TRAPPC10: variants seen among roughly 807,000 people sequenced by gnomAD.
The protein encoded by TRAPPC10 is trafficking protein particle complex subunit 10.
Under a neutral mutation model 125.5 loss-of-function variants are expected in TRAPPC10, and 23 were observed. That is an observed-to-expected ratio of 0.18 (90% CI 0.13 to 0.26). The LOEUF (loss-of-function observed/expected upper bound fraction) is 0.26. Among genes scored for constraint, TRAPPC10 ranks in the 10% least tolerant of loss-of-function variants. The pLI is 1.00. For synonymous variants in TRAPPC10, 509 were observed against 518.0 expected (o/e 0.98, Z 0.24); for missense variants, 1,123 against 1,308.4 (o/e 0.86, Z 2.19).
intron 3 of TRAPPC10, among the ~76,000 whole-genome samples, chr21:44,045,246 C>T (rs571654692): frequency 7.9e-5 from 12 of 152,092 alleles, no homozygotes; most frequent in Admixed American, 7.2e-4. Flanking sequence ...GTTGCTGTCT[C>T]TTCCTTTGTG....
intron 15 of TRAPPC10, among the ~76,000 whole-genome samples, chr21:44,084,627 C>T (rs2038001487): frequency 6.6e-6 from 1 of 152,166 alleles, no homozygotes; most frequent in Admixed American, 6.5e-5. Flanking sequence ...TTCCCCCTGC[C>T]AGCAAGCAAG....
chr21:44,041,278 A>C (rs2034396525), intron 3 of TRAPPC10, among the ~76,000 whole-genome samples: 1 of 152,166 alleles, frequency 6.6e-6, no homozygotes, highest in African/African-American at 2.4e-5. Flanking sequence ...GTCTGTTTTC[A>C]GCCATTTGCT....
intron 1 of TRAPPC10, among the ~76,000 whole-genome samples, chr21:44,021,991 C>G (rs1241422164): frequency 6.6e-6 from 1 of 151,728 alleles, no homozygotes; most frequent in Non-Finnish European, 1.5e-5. Context: ...AAACAAAAAA[C>G]TGTTTTCTAA....
chr21:44,077,693 G>C lies in TRAPPC10; in HGVS notation c.1378G>C (p.Asp460His). The change falls in exon 11 of 23, where the codon GAT (aspartate) becomes CAT (histidine). Residue 460 changes from aspartate (D) to histidine (H), a missense_variant and splice_region_variant. Transcript: ENST00000291574. Reference sequence around the variant, plus strand: ...TAATTGTGTTTTTACTTCCCCACAGGATTTGTCCCATGCCACCATTGAAAT... The same window carrying C: ...TAATTGTGTTTTTACTTCCCCACAGCATTTGTCCCATGCCACCATTGAAAT... Reference protein sequence around the residue: ...SVEAFEKHYLDLSHATIEMYT... With the variant: ...SVEAFEKHYLHLSHATIEMYT... The C allele has an allele frequency of 6.3e-7, 1 of 1,599,606 alleles. No individual in the cohort carries two copies. Among genetic ancestry groups the C allele is most frequent in the Non-Finnish European group, 8.5e-7 (1 of 1,171,160 alleles).
intron 3 of TRAPPC10, among the ~76,000 whole-genome samples, chr21:44,043,902 C>T (rs2034589332): frequency 1.3e-5 from 2 of 152,124 alleles, no homozygotes; most frequent in African/African-American, 4.8e-5. Flanking sequence ...CAGCTGAGTC[C>T]CACTGTGTGT....
intron 3 of TRAPPC10, among the ~76,000 whole-genome samples, chr21:44,038,869 G>A (rs978023189): frequency 6.6e-6 from 1 of 152,128 alleles, no homozygotes; most frequent in African/African-American, 2.4e-5. Context: ...CCTTTCCCAC[G>A]GGCTCCACAC....
intron 1 of TRAPPC10, among the ~76,000 whole-genome samples, chr21:44,027,012 G>C (rs1436753635): frequency 6.6e-6 from 1 of 152,222 alleles, no homozygotes; most frequent in African/African-American, 2.4e-5. Context: ...GCCGAGGACA[G>C]TGTCTTGTTA....
chr21:44,045,154 C>T (rs1383986032), intron 3 of TRAPPC10, among the ~76,000 whole-genome samples: 13 of 152,028 alleles, frequency 8.6e-5, no homozygotes, highest in Admixed American at 8.5e-4. Flanking sequence ...AGGCTGGTCT[C>T]GAACTCCTGA....
At chr21:44,071,508 CTAAAG>C (rs1168813853) in intron 7 of TRAPPC10, among the ~76,000 whole-genome samples, 3 of 152,158 alleles carry the variant, frequency 2.0e-5, no homozygotes, top group Non-Finnish European at 4.4e-5. Context: ...TTCAGGCCCT[CTAAAG>C]TATAGAGAAG....
At chr21:44,086,569 T>G (rs761234647) in intron 15 of TRAPPC10, among the ~76,000 whole-genome samples, 1 of 152,218 alleles carries the variant, frequency 6.6e-6, no homozygotes, top group Admixed American at 6.5e-5. Context: ...TAAGACTCCT[T>G]GACTCACAGG....
chr21:44,044,355 AAGG>A (rs1364458400), intron 3 of TRAPPC10, among the ~76,000 whole-genome samples: 1 of 152,186 alleles, frequency 6.6e-6, no homozygotes, highest in Non-Finnish European at 1.5e-5. Flanking sequence ...TATTTAAAAA[AAGG>A]AGTAAGTTGA....
rs559988588 is a variant in TRAPPC10, at chr21:44,059,598, G to A, written c.790+384G>A. ...TTGGAATGCTCGAGTGCTCATTGCT[G>A]TGAACTTATAAAATGCCCTTGGGTG... On this transcript the variant is annotated intron_variant, in intron 6 of 22. Transcript: ENST00000291574. The surrounding 1 kb of genome is among the most constrained non-coding windows in gnomAD (Gnocchi z 4.4). 6.2e-5 allele frequency: 41 copies of A among 666,628 alleles called. No individual in the cohort carries two copies. In the Middle Eastern group the frequency reaches 7.3e-4, roughly 12 times the overall value. 41.3% of individuals were successfully genotyped at this position (666,628 alleles called of 1,614,324 possible). A position where few individuals can be genotyped will look rare whatever the true frequency, so the allele number is the denominator to read the frequency against.
At chr21:44,019,771 G>T (rs990213532) in intron 1 of TRAPPC10, among the ~76,000 whole-genome samples, 10 of 152,156 alleles carry the variant, frequency 6.6e-5, no homozygotes, top group African/African-American at 2.2e-4. Context: ...GCCACCTGCC[G>T]CACCACTGTC....
intron 7 of TRAPPC10, among the ~76,000 whole-genome samples, chr21:44,071,291 G>A (rs973436827): frequency 6.6e-6 from 1 of 152,220 alleles, no homozygotes; most frequent in African/African-American, 2.4e-5. Context: ...TGATTAGGTG[G>A]TGGTTACATT....
chr21:44,071,448 G>A (rs2036860041), intron 7 of TRAPPC10, among the ~76,000 whole-genome samples: 1 of 152,204 alleles, frequency 6.6e-6, no homozygotes, highest in Admixed American at 6.5e-5. Context: ...ATGTCTGGAA[G>A]TCTTAGATGT....
At chr21:44,077,809 G>T in intron 11 of TRAPPC10, 25 bp downstream of exon 11, 2 of 1,542,026 alleles carry the variant, frequency 1.3e-6, no homozygotes, top group South Asian at 2.3e-5. Flanking sequence ...ACTTTTCTTT[G>T]AATTCTAAAC....
intron 1 of TRAPPC10, among the ~76,000 whole-genome samples, chr21:44,016,702 A>C (rs1162219075): frequency 1.3e-5 from 2 of 152,186 alleles, no homozygotes; most frequent in Non-Finnish European, 2.9e-5. Context: ...TTTGTTGCCC[A>C]GGCTGGAGTG....
intron 3 of TRAPPC10, 32 bp downstream of exon 3, chr21:44,037,959 TG>T: frequency 6.2e-7 from 1 of 1,607,876 alleles, no homozygotes; most frequent in Non-Finnish European, 8.5e-7. Context: ...GGATGCGCGG[TG>T]GGATGGGGTT....
intron 5 of TRAPPC10, among the ~76,000 whole-genome samples, chr21:44,056,700 C>A (rs977039149): frequency 6.6e-6 from 1 of 152,298 alleles, no homozygotes. Flanking sequence ...CAGTGAAAGA[C>A]AGACTGTGAA....
Sources: gnomAD v4.1 joint callset for allele counts (sites outside exome capture counted in the v4.1 genomes callset) on GRCh38, gnomAD v4.1.1 for gene constraint, Gnocchi (gnomAD v3.1) non-coding constraint, MANE v1.5 for transcripts, NCBI Gene and HGNC (gene_info 2026-07-23, HGNC 2026-07-21) for gene names.